CNTNAP4: variants seen among roughly 807,000 people sequenced by gnomAD.
CNTNAP4 encodes contactin-associated protein-like 4.
CNTNAP4 carries 98 observed loss-of-function variants against 148.4 expected under a neutral mutation model. The ratio of observed to expected loss-of-function variants is 0.66; its 90% CI spans 0.56 to 0.78. CNTNAP4 has a LOEUF of 0.78. Among genes scored for constraint, CNTNAP4 ranks in the 30% least tolerant of loss-of-function variants. The pLI, the probability that CNTNAP4 is intolerant of heterozygous loss-of-function variation, is 0.00. For missense variants in CNTNAP4, 1,935 were observed against 1,565.6 expected, an observed-to-expected ratio of 1.24 and a Z score of -3.98; for synonymous variants, 730 against 565.1, an observed-to-expected ratio of 1.29 and a Z score of -4.14.
intron 4 of CNTNAP4, among the ~76,000 whole-genome samples, chr16:76,431,452 G>A (rs948277540): frequency 1.3e-5 from 2 of 152,098 alleles, no homozygotes; most frequent in Admixed American, 1.3e-4. Context: ...GGTGGAGGTG[G>A]GGGGTTACCT....
At chr16:76,341,185 C>T (rs960702295) in intron 2 of CNTNAP4, among the ~76,000 whole-genome samples, 10 of 151,794 alleles carry the variant, frequency 6.6e-5, no homozygotes, top group African/African-American at 2.4e-4. Flanking sequence ...TGACATCTTC[C>T]TCAACTTTTT....
chr16:76,321,881 A>G (rs919475856), intron 2 of CNTNAP4, among the ~76,000 whole-genome samples: 12 of 152,054 alleles, frequency 7.9e-5, no homozygotes, highest in African/African-American at 2.9e-4. Flanking sequence ...ATGAAAAAAG[A>G]GTAAGATATA....
At chr16:76,557,486 C>T (rs2085245779) in intron 23 of CNTNAP4, 4 of 152,152 alleles carry the variant, frequency 2.6e-5, no homozygotes, top group African/African-American at 7.2e-5. Flanking sequence ...CATTTTAACA[C>T]ACAAAATGTT....
intron 2 of CNTNAP4, among the ~76,000 whole-genome samples, chr16:76,335,419 A>C (rs1030526272): frequency 1.3e-5 from 2 of 152,242 alleles, no homozygotes; most frequent in Non-Finnish European, 2.9e-5. Flanking sequence ...TTGTTCCCTT[A>C]AGGCTTAAAA....
intron 2 of CNTNAP4, among the ~76,000 whole-genome samples, chr16:76,328,565 A>C (rs1262146389): frequency 6.6e-6 from 1 of 152,240 alleles, no homozygotes; most frequent in African/African-American, 2.4e-5. Context: ...GGAGATCCAA[A>C]TAAAGCATGG....
chr16:76,417,341 A>C (rs1340878917), intron 3 of CNTNAP4, among the ~76,000 whole-genome samples: 1 of 151,250 alleles, frequency 6.6e-6, no homozygotes, highest in Non-Finnish European at 1.5e-5. Flanking sequence ...ATTCTATTTT[A>C]TCTGCTCTTT....
chr16:76,402,483 T>C (rs8047646), intron 3 of CNTNAP4, among the ~76,000 whole-genome samples: 51,772 of 151,952 alleles, frequency 0.34, 10,773 homozygotes, highest in Non-Finnish European at 0.44. Context: ...CAATTTTTAT[T>C]ATCTTACTAA....
intron 23 of CNTNAP4, chr16:76,557,680 T>C (rs897102095): frequency 3.9e-5 from 6 of 152,318 alleles, no homozygotes; most frequent in Admixed American, 3.9e-4. Flanking sequence ...CGTTAATTTG[T>C]GCTAAGTACC....
intron 3 of CNTNAP4, among the ~76,000 whole-genome samples, chr16:76,372,630 T>G (rs956479240): frequency 1.3e-5 from 2 of 152,156 alleles, no homozygotes; most frequent in African/African-American, 4.8e-5. Flanking sequence ...TGGCTCTCAT[T>G]CTGTCTTTTC....
intron 1 of CNTNAP4, among the ~76,000 whole-genome samples, chr16:76,299,994 G>A (rs1485206050): frequency 2.0e-5 from 3 of 151,994 alleles, no homozygotes; most frequent in Admixed American, 2.0e-4. Context: ...GGGGCCTGTT[G>A]TGGGGTGGGG....
At position 76,452,645 on chromosome 16, in the gene CNTNAP4, G is replaced by C; in HGVS notation, c.1209G>C (p.Lys403Asn). 6.2e-7 allele frequency: 1 copy of C among 1,613,968 alleles called. No homozygotes were observed. Among genetic ancestry groups the C allele is most frequent in the Non-Finnish European group, 8.5e-7 (1 of 1,179,880 alleles). ...SATFQFRTWN[K>N]AGLLLFSELQ... Reference sequence around the variant, plus strand: ...CTTTTCAATTTCGAACTTGGAATAAGGCAGGGCTTCTGCTGTTCAGTGAAC... The same window carrying C: ...CTTTTCAATTTCGAACTTGGAATAACGCAGGGCTTCTGCTGTTCAGTGAAC... Residue 403 changes from lysine to asparagine, a missense_variant, in exon 8 of 24, where the codon AAG becomes AAC. Lys to Asn is a moderately conservative substitution (Grantham distance 94). Transcript: ENST00000611870.
At chr16:76,452,975 C>T (rs2080571821) in intron 8 of CNTNAP4, among the ~76,000 whole-genome samples, 1 of 152,120 alleles carries the variant, frequency 6.6e-6, no homozygotes, top group African/African-American at 2.4e-5. Flanking sequence ...TCTTATTAAC[C>T]AAAATGATAG....
chr16:76,351,542 A>G (rs540821562), intron 2 of CNTNAP4, among the ~76,000 whole-genome samples: 12 of 152,292 alleles, frequency 7.9e-5, no homozygotes, highest in African/African-American at 2.9e-4. Flanking sequence ...AAAACCCGGT[A>G]GAGATATTTG....
intron 10 of CNTNAP4, among the ~76,000 whole-genome samples, chr16:76,469,344 C>A (rs181324917): frequency 1.8e-4 from 27 of 152,274 alleles, no homozygotes; most frequent in Admixed American, 9.8e-4. Context: ...TCCATAGTTA[C>A]AACCTTAACA....
At chr16:76,307,027 A>C (rs1353505551) in intron 1 of CNTNAP4, among the ~76,000 whole-genome samples, 3 of 152,174 alleles carry the variant, frequency 2.0e-5, no homozygotes, top group African/African-American at 7.2e-5. Flanking sequence ...AAAGAGACAA[A>C]TGTTTGATTA....
At chr16:76,355,841 T>G (rs1197126009) in intron 3 of CNTNAP4, among the ~76,000 whole-genome samples, 2 of 20,498 alleles carry the variant, frequency 9.8e-5, no homozygotes, top group Non-Finnish European at 2.5e-4. Flanking sequence ...TGCATTGTCT[T>G]TTATTTATTT....
rs117841678 is a variant in CNTNAP4, at chr16:76,425,287, A to C, written c.391-2165A>C. Among the ~76,000 whole-genome samples, 1,245 of 152,268 alleles carry C rather than the reference A, an allele frequency of 8.2e-3. 7 individuals carry two copies. Among genetic ancestry groups the C allele is most frequent in the Middle Eastern group, 0.027 (8 of 294 alleles). On this transcript the variant is annotated intron_variant, in intron 3 of 23. Coordinates refer to ENST00000611870, the MANE Select transcript of CNTNAP4 (RefSeq NM_033401.5). ...AAGTGTCCCTGCCATGGGTTGATACATTGCAATTTGCACATTAGCACATGA... is the reference window on the plus strand; with the variant it reads ...AAGTGTCCCTGCCATGGGTTGATACCTTGCAATTTGCACATTAGCACATGA...
chr16:76,520,871 C>G (rs765760604), intron 15 of CNTNAP4, among the ~76,000 whole-genome samples: 1 of 151,978 alleles, frequency 6.6e-6, no homozygotes, highest in African/African-American at 2.4e-5. Flanking sequence ...ATATTTGTTC[C>G]GTATAAAATA....
At chr16:76,424,718 C>G (rs2145026405) in intron 3 of CNTNAP4, among the ~76,000 whole-genome samples, 1 of 152,030 alleles carries the variant, frequency 6.6e-6, no homozygotes. Context: ...GAGATTGTGC[C>G]ACTGCACTCC....
Sources: gnomAD v4.1 joint callset for allele counts (sites outside exome capture counted in the v4.1 genomes callset) on GRCh38, gnomAD v4.1.1 for gene constraint, MANE v1.5 for transcripts, NCBI Gene and HGNC (gene_info 2026-07-23, HGNC 2026-07-21) for gene names.